MAP3K13: variants seen among roughly 807,000 people sequenced by gnomAD.
MAP3K13 encodes the protein leucine zipper-bearing kinase.
Under a neutral mutation model 104.0 loss-of-function variants are expected in MAP3K13, and 52 were observed. That is an observed-to-expected ratio of 0.50 (90% CI 0.40 to 0.63). MAP3K13 has a LOEUF of 0.63. Ranked by LOEUF, MAP3K13 falls within the 20% of genes least tolerant of loss-of-function variation. The probability of loss-of-function intolerance (pLI) is 0.00; values close to 1 mark genes in which losing one functional copy is unlikely to be tolerated. For synonymous variants in MAP3K13, 394 were observed against 442.2 expected (o/e 0.89, Z 1.37); for missense variants, 914 against 1,218.5 (o/e 0.75, Z 3.72).
chr3:185,463,819 G>T (rs1717255067), intron 8 of MAP3K13, among the ~76,000 whole-genome samples, 160 bp downstream of exon 8: 1 of 152,028 alleles, frequency 6.6e-6, no homozygotes, highest in Non-Finnish European at 1.5e-5. Context: ...GCCTTCCTTT[G>T]TATCTCTTTC....
chr3:185,324,800 G>A (rs541569054), intron 2 of MAP3K13, among the ~76,000 whole-genome samples: 10 of 90,500 alleles, frequency 1.1e-4, no homozygotes, highest in Admixed American at 8.1e-4. Context: ...ACTAAGAACC[G>A]GCACAATTAA....
intron 2 of MAP3K13, among the ~76,000 whole-genome samples, chr3:185,356,445 G>C (rs1056212538): frequency 6.6e-6 from 1 of 152,208 alleles, no homozygotes; most frequent in Non-Finnish European, 1.5e-5. Flanking sequence ...AGGTCCAGCA[G>C]AGTAACTGGC....
Position 185,288,540 on chromosome 3 carries a change from G to GTGTGTA in MAP3K13, c.-86+2898_-86+2899insGTGTAT, listed in dbSNP as rs1437773195. ...AGAATATGTGTGTGTGTGTTTGTGTGTATATATATATTCCAGAAAACCAGA... is the reference window on the plus strand; with the variant it reads ...AGAATATGTGTGTGTGTGTTTGTGTGTGTGTATATATATATATTCCAGAAAACCAGA... On this transcript the variant is annotated intron_variant, in intron 2 of 14. Transcript: ENST00000424227. Among the ~76,000 whole-genome samples the GTGTGTA allele has an allele frequency of 7.5e-3, 1,056 of 140,180 alleles. 10 individuals are homozygous for GTGTGTA. Among genetic ancestry groups the GTGTGTA allele is most frequent in the African/African-American group, 0.022 (872 of 39,962 alleles). The allele number at this position is 140,180 out of a possible 152,430, so 92.0% of individuals were successfully genotyped here. A position where few individuals can be genotyped will look rare whatever the true frequency, so the allele number is the denominator to read the frequency against.
intron 2 of MAP3K13, among the ~76,000 whole-genome samples, chr3:185,312,015 A>G (rs2108687077): frequency 1.3e-5 from 2 of 152,340 alleles, no homozygotes; most frequent in Admixed American, 1.3e-4. Context: ...GTAAGAGCCT[A>G]AATGTTATTT....
At chr3:185,385,065 A>C (rs1711606140) in intron 1 of MAP3K13, among the ~76,000 whole-genome samples, 2 of 152,068 alleles carry the variant, frequency 1.3e-5, no homozygotes, top group Admixed American at 6.6e-5. Flanking sequence ...TAGTAGTTTT[A>C]TAGTTTCAGG....
intron 2 of MAP3K13, among the ~76,000 whole-genome samples, chr3:185,352,790 C>G (rs543089847): frequency 6.6e-6 from 1 of 152,194 alleles, no homozygotes; most frequent in African/African-American, 2.4e-5. Context: ...CCTATATTCT[C>G]CTGTATCTAC....
Position 185,297,689 on chromosome 3 carries a change from C to T in MAP3K13, c.-86+12046C>T, listed in dbSNP as rs549349910. The stretch of plus-strand genomic sequence containing the variant: ...GGCGGAGGTTGCAATGAGCTGAGAC[C>T]GTGCCACTGCACTCCAGTCTGGGCA... On this transcript the variant is annotated intron_variant, in intron 2 of 14. Transcript: ENST00000424227. Among the ~76,000 whole-genome samples, 7 of 150,230 alleles carry T rather than the reference C, an allele frequency of 4.7e-5. No homozygotes were observed. In the South Asian group the frequency reaches 6.3e-4, roughly 13 times the overall value.
chr3:185,417,320 C>T (rs1258733614), intron 1 of MAP3K13, among the ~76,000 whole-genome samples: 1 of 152,148 alleles, frequency 6.6e-6, no homozygotes, highest in East Asian at 1.9e-4. Context: ...AGTTTTGATG[C>T]CTTCACATGT....
Position 185,290,575 on chromosome 3 carries a change from G to A in MAP3K13, c.-86+4932G>A, listed in dbSNP as rs1720694533. Reference sequence around the variant, plus strand: ...ATTGAAACCAATTTTGTAGAGTGGTGGGTGTTGCTTTCTGTTCTGGAGCCA... The same window carrying A: ...ATTGAAACCAATTTTGTAGAGTGGTAGGTGTTGCTTTCTGTTCTGGAGCCA... On this transcript the variant is annotated intron_variant, in intron 2 of 14. Coordinates refer to the MAP3K13 transcript ENST00000424227. Among the ~76,000 whole-genome samples the A allele has an allele frequency of 2.0e-5, 3 of 152,168 alleles. No homozygotes were observed. In the South Asian group the frequency reaches 6.2e-4, roughly 32 times the overall value.
intron 1 of MAP3K13, among the ~76,000 whole-genome samples, chr3:185,390,176 C>G (rs1711958227): frequency 6.6e-6 from 1 of 152,176 alleles, no homozygotes; most frequent in African/African-American, 2.4e-5. Context: ...CTATAAGCAC[C>G]ATTGCGTAGG....
chr3:185,457,306 G>A (rs1010998864), intron 7 of MAP3K13, among the ~76,000 whole-genome samples: 1 of 152,242 alleles, frequency 6.6e-6, no homozygotes, highest in African/African-American at 2.4e-5. Context: ...AGAAAACTGA[G>A]TACATTAAGC....
intron 1 of MAP3K13, among the ~76,000 whole-genome samples, chr3:185,365,149 GCA>G (rs1313157289): frequency 1.3e-5 from 2 of 152,058 alleles, no homozygotes; most frequent in African/African-American, 4.8e-5. Context: ...TTACTTTAAG[GCA>G]CAGAGCAGAT....
intron 2 of MAP3K13, among the ~76,000 whole-genome samples, chr3:185,352,792 T>C (rs954775124): frequency 1.3e-5 from 2 of 152,244 alleles, no homozygotes; most frequent in African/African-American, 4.8e-5. Context: ...TATATTCTCC[T>C]GTATCTACTT....
At chr3:185,462,155 G>A (rs1717143407) in intron 7 of MAP3K13, among the ~76,000 whole-genome samples, 1 of 152,134 alleles carries the variant, frequency 6.6e-6, no homozygotes, top group Non-Finnish European at 1.5e-5. Context: ...GGCTTCTGGA[G>A]ATGGAAGATA....
At position 185,480,417 on chromosome 3, in the gene MAP3K13, C is replaced by T. The variant is rs1254016057; in HGVS notation, c.2687C>T (p.Pro896Leu). 1 of 1,614,046 alleles carries T rather than the reference C, an allele frequency of 6.2e-7. No individual in the cohort carries two copies. The highest frequency in any genetic ancestry group is 1.3e-5 in the African/African-American group (1 of 74,906). The change falls in exon 13 of 14, where the codon CCC (proline) becomes CTC (leucine). Residue 896 changes from proline to leucine, a missense_variant. Pro to Leu is a moderately conservative substitution (Grantham distance 98, BLOSUM62 -3). Transcript: ENST00000265026. Reference sequence around the variant, plus strand: ...CTGCTGTCCCAGACGCCAGAGATTCCCATTGACATATCCTCACACTCGGAT... The same window carrying T: ...CTGCTGTCCCAGACGCCAGAGATTCTCATTGACATATCCTCACACTCGGAT... ...DDLLSQTPEI[P>L]IDISSHSDGL...
At chr3:185,445,036 CAT>C (rs5855066) in intron 4 of MAP3K13, among the ~76,000 whole-genome samples, 124,053 of 151,682 alleles carry the variant, frequency 0.82, 51,694 homozygotes, top group East Asian at 0.91. Flanking sequence ...TACACACACA[CAT>C]ATATATATTT....
chr3:185,351,528 G>A (rs1267508907), intron 2 of MAP3K13, among the ~76,000 whole-genome samples: 1 of 152,148 alleles, frequency 6.6e-6, no homozygotes, highest in Non-Finnish European at 1.5e-5. Flanking sequence ...GATCCCAGGA[G>A]ACTGGTAATC....
chr3:185,469,821 A>C (rs1352950057), intron 10 of MAP3K13, among the ~76,000 whole-genome samples: 1 of 152,202 alleles, frequency 6.6e-6, no homozygotes, highest in East Asian at 1.9e-4. Flanking sequence ...TGTGCCTTCA[A>C]GTTTGAACTC....
intron 11 of MAP3K13, chr3:185,476,904 A>C: frequency 3.2e-6 from 1 of 316,994 alleles, no homozygotes; most frequent in Non-Finnish European, 6.3e-6. Flanking sequence ...GTATATAAAA[A>C]GGGAAAAAGT....
Sources: allele counts gnomAD v4.1 joint callset (sites outside exome capture counted in the v4.1 genomes callset), GRCh38; gene constraint gnomAD v4.1.1; transcripts MANE v1.5; gene names NCBI Gene and HGNC (gene_info 2026-07-23, HGNC 2026-07-21).